Variants in FOXP1 observed in about 807,000 individuals in gnomAD.
The protein encoded by FOXP1 is forkhead box P1, also known as forkhead box protein P1.
Under a neutral mutation model 98.2 loss-of-function variants are expected in FOXP1, and 15 were observed. That is an observed-to-expected ratio of 0.15 (90% CI 0.10 to 0.24). The LOEUF is 0.24. Ranked by LOEUF, FOXP1 falls within the 10% of genes least tolerant of loss-of-function variation. The pLI is 1.00. For missense variants in FOXP1, 633 were observed against 848.5 expected (o/e 0.75, Z 3.15); for synonymous variants, 371 against 314.5 (o/e 1.18, Z -1.90).
intron 3 of FOXP1, among the ~76,000 whole-genome samples, chr3:71,478,759 C>T (rs1479900531): frequency 1.3e-5 from 2 of 152,216 alleles, no homozygotes; most frequent in African/African-American, 4.8e-5. Context: ...TGTGGCAGCA[C>T]CTTACATGTG....
intron 6 of FOXP1, among the ~76,000 whole-genome samples, chr3:71,188,483 C>T (rs1373882199): frequency 2.0e-5 from 3 of 150,930 alleles, no homozygotes; most frequent in Non-Finnish European, 4.4e-5. Flanking sequence ...GGCACAATCT[C>T]GGCTCACTGC....
At chr3:71,579,556 G>T (rs1407743500) in intron 2 of FOXP1, among the ~76,000 whole-genome samples, 1 of 151,500 alleles carries the variant, frequency 6.6e-6, no homozygotes, top group African/African-American at 2.4e-5. Context: ...GCTCTCTCTC[G>T]CCTTTTTAAA....
At position 71,222,492 on chromosome 3, in the gene FOXP1, C is replaced by A. The variant is rs1430644345; in HGVS notation, c.-11-24100G>T. 3.3e-5 allele frequency among the ~76,000 whole-genome samples: 5 copies of A among 152,246 alleles called. No individual in the cohort carries two copies. In the East Asian group the frequency reaches 5.8e-4, roughly 18 times the overall value. ...GGAGTGCAGTGGCGCGATCTCAGCT[C>A]ACTGCAACCTCTGCCTCTCAGGTTC... is the stretch of plus-strand genomic sequence containing the variant. On this transcript the variant is annotated intron_variant, in intron 5 of 20. Coordinates refer to ENST00000649528, the MANE Select transcript of FOXP1 (RefSeq NM_001349338.3).
intron 5 of FOXP1, among the ~76,000 whole-genome samples, chr3:71,249,120 T>C (rs966500308): frequency 6.6e-6 from 1 of 152,226 alleles, no homozygotes; most frequent in Non-Finnish European, 1.5e-5. Context: ...GAATGGAGTT[T>C]AGAGTCATGT....
chr3:71,237,305 A>G (rs2066885797), intron 5 of FOXP1, among the ~76,000 whole-genome samples: 1 of 150,438 alleles, frequency 6.6e-6, no homozygotes, highest in South Asian at 2.1e-4. Context: ...TTTTAATTTC[A>G]ACATGCAACT....
chr3:71,226,838 A>G (rs918289664), intron 5 of FOXP1, among the ~76,000 whole-genome samples: 1 of 151,978 alleles, frequency 6.6e-6, no homozygotes, highest in African/African-American at 2.4e-5. Context: ...AAGGGCACTA[A>G]GTGCGCTGTT....
intron 5 of FOXP1, among the ~76,000 whole-genome samples, chr3:71,248,638 G>A (rs990556551): frequency 1.3e-5 from 2 of 152,072 alleles, no homozygotes; most frequent in Non-Finnish European, 2.9e-5. Context: ...CTACTCGGGT[G>A]GCTGAGGCAG....
chr3:71,242,042 TCAAAA>T (rs2106918624), intron 5 of FOXP1, among the ~76,000 whole-genome samples: 1 of 152,342 alleles, frequency 6.6e-6, no homozygotes, highest in East Asian at 1.9e-4. Flanking sequence ...AAACATTCTA[TCAAAA>T]CAAGGCTTCG....
At chr3:71,336,920 C>T (rs1296823028) in intron 4 of FOXP1, among the ~76,000 whole-genome samples, 1 of 152,142 alleles carries the variant, frequency 6.6e-6, no homozygotes, top group Non-Finnish European at 1.5e-5. Flanking sequence ...TCAGCAACTT[C>T]CAGGCTCTGG....
intron 2 of FOXP1, among the ~76,000 whole-genome samples, chr3:71,498,160 G>GT (rs893257583): frequency 6.6e-6 from 1 of 152,178 alleles, no homozygotes; most frequent in African/African-American, 2.4e-5. Flanking sequence ...GGCCTGCCTT[G>GT]TTTCTGTAAA....
intron 3 of FOXP1, among the ~76,000 whole-genome samples, chr3:71,415,400 G>A (rs2083133866): frequency 6.6e-6 from 1 of 152,112 alleles, no homozygotes; most frequent in African/African-American, 2.4e-5. Flanking sequence ...GAAACCATGA[G>A]GCTTTATACA....
intron 6 of FOXP1, among the ~76,000 whole-genome samples, chr3:71,182,014 G>C (rs2062329786): frequency 7.2e-6 from 1 of 139,048 alleles, no homozygotes; most frequent in Admixed American, 7.7e-5. Context: ...CAGCCTGGGT[G>C]ACAGAGCGAG....
intron 3 of FOXP1, among the ~76,000 whole-genome samples, chr3:71,374,918 G>C (rs1254182706): frequency 6.6e-6 from 1 of 152,122 alleles, no homozygotes; most frequent in Non-Finnish European, 1.5e-5. Flanking sequence ...GCCATTTCCA[G>C]ACCCAAATGT....
intron 6 of FOXP1, among the ~76,000 whole-genome samples, chr3:71,186,776 GAA>G (rs1425808353): frequency 2.0e-5 from 3 of 152,224 alleles, no homozygotes; most frequent in Non-Finnish European, 2.9e-5. Flanking sequence ...AGAGAATTTA[GAA>G]AAGAGTGACG....
At chr3:71,229,983 G>A (rs912447000) in intron 5 of FOXP1, among the ~76,000 whole-genome samples, 1 of 151,974 alleles carries the variant, frequency 6.6e-6, no homozygotes, top group Non-Finnish European at 1.5e-5. Context: ...TCTCAGTGGC[G>A]CTGCAACCTC....
chr3:70,979,409 C>A (rs938362763), intron 14 of FOXP1, among the ~76,000 whole-genome samples: 1 of 150,050 alleles, frequency 6.7e-6, no homozygotes, highest in Non-Finnish European at 1.5e-5. Flanking sequence ...AAAGGCATAA[C>A]CCTTCCCCAA....
chr3:71,258,047 C>T (rs1014361181), intron 5 of FOXP1, among the ~76,000 whole-genome samples: 10 of 152,126 alleles, frequency 6.6e-5, no homozygotes, highest in South Asian at 2.1e-4. Context: ...ATCCACGGAG[C>T]GCCTACGAAT....
At chr3:71,105,445 C>T (rs1313229193) in intron 7 of FOXP1, among the ~76,000 whole-genome samples, 1 of 152,162 alleles carries the variant, frequency 6.6e-6, no homozygotes, top group East Asian at 1.9e-4. Flanking sequence ...GACTCCAACC[C>T]TAGCATTTTA....
intron 7 of FOXP1, among the ~76,000 whole-genome samples, chr3:71,067,095 G>A (rs1378462461): frequency 6.6e-6 from 1 of 151,846 alleles, no homozygotes; most frequent in African/African-American, 2.4e-5. Context: ...AAAGGCTGAT[G>A]GTTTGGGTAA....
Sources: gnomAD v4.1 joint callset for allele counts (sites outside exome capture counted in the v4.1 genomes callset) on GRCh38, gnomAD v4.1.1 for gene constraint, MANE v1.5 for transcripts, NCBI Gene and HGNC (gene_info 2026-07-23, HGNC 2026-07-21) for gene names.